SPAG9: variants seen among roughly 807,000 people sequenced by gnomAD.
SPAG9 encodes the protein sperm associated antigen 9, also known as C-Jun-amino-terminal kinase-interacting protein 4.
A neutral mutation model predicts 166.5 loss-of-function variants in SPAG9; 35 were observed. The observed-to-expected ratio is 0.21, with a 90% confidence interval of 0.16 to 0.28. The LOEUF is 0.28. SPAG9 is among the 10% of genes least tolerant of loss of function. The probability of loss-of-function intolerance (pLI) is 1.00; values close to 1 mark genes in which losing one functional copy is unlikely to be tolerated. For missense variants in SPAG9, 1,235 were observed against 1,603.3 expected (o/e 0.77, Z 3.92); for synonymous variants, 534 against 565.5 (o/e 0.94, Z 0.79).
At chr17:51,039,905 AGG>A (rs2046764341) in intron 5 of SPAG9, among the ~76,000 whole-genome samples, 1 of 152,090 alleles carries the variant, frequency 6.6e-6, no homozygotes, top group Non-Finnish European at 1.5e-5. Context: ...ACCTGCAGGA[AGG>A]CTAAAAGACC....
chr17:51,062,097 T>C (rs1052441369), intron 2 of SPAG9, among the ~76,000 whole-genome samples: 5 of 152,150 alleles, frequency 3.3e-5, no homozygotes, highest in Non-Finnish European at 5.9e-5. Flanking sequence ...AGATGACTTG[T>C]CCCTTTTAAT....
At chr17:51,093,455 C>T (rs1386919685) in intron 1 of SPAG9, among the ~76,000 whole-genome samples, 1 of 151,970 alleles carries the variant, frequency 6.6e-6, no homozygotes, top group African/African-American at 2.4e-5. Flanking sequence ...GTAATCCCTG[C>T]ACTTTGGGAG....
chr17:50,992,359 A>C (rs966799383), intron 19 of SPAG9, among the ~76,000 whole-genome samples: 3 of 152,158 alleles, frequency 2.0e-5, no homozygotes, highest in Admixed American at 2.0e-4. Context: ...ATGTGTCAGA[A>C]CTTCTACCTA....
intron 26 of SPAG9, 106 bp downstream of exon 26, chr17:50,979,640 A>G (rs1455506196): frequency 7.3e-6 from 8 of 1,098,952 alleles, no homozygotes; most frequent in Admixed American, 1.9e-5. Context: ...TAGCCACTGC[A>G]CTCCATCCTG....
At chr17:51,031,562 TACA>T (rs1407667750) in intron 6 of SPAG9, 116 bp downstream of exon 6, 3 of 767,042 alleles carry the variant, frequency 3.9e-6, no homozygotes, top group Admixed American at 4.5e-5. Flanking sequence ...TTCAGTGAAT[TACA>T]ACAATAGTCT....
chr17:51,086,212 T>G (rs1327496619), intron 1 of SPAG9, among the ~76,000 whole-genome samples: 1 of 151,938 alleles, frequency 6.6e-6, no homozygotes, highest in Non-Finnish European at 1.5e-5. Context: ...ACTCCTGACC[T>G]CAGGTGATCT....
At chr17:50,984,897 C>T (rs1489158602) in intron 24 of SPAG9, 26 bp downstream of exon 24, 2 of 1,586,538 alleles carry the variant, frequency 1.3e-6, no homozygotes, top group Non-Finnish European at 8.7e-7. Flanking sequence ...AATTAGTGTC[C>T]ATGTTATACA....
chr17:51,060,178 A>G (rs1019265082), intron 2 of SPAG9, among the ~76,000 whole-genome samples: 1 of 151,988 alleles, frequency 6.6e-6, no homozygotes, highest in African/African-American at 2.4e-5. Context: ...CTACCTCCCA[A>G]TATGACTGCA....
At chr17:51,055,597 A>G (rs1326468033) in intron 3 of SPAG9, among the ~76,000 whole-genome samples, 1 of 152,166 alleles carries the variant, frequency 6.6e-6, no homozygotes, top group African/African-American at 2.4e-5. Flanking sequence ...AGGGAGAAAA[A>G]AAAACAAACA....
At chr17:51,019,992 T>G (rs1041301932) in intron 8 of SPAG9, among the ~76,000 whole-genome samples, 167 bp downstream of exon 8, 2 of 152,206 alleles carry the variant, frequency 1.3e-5, no homozygotes, top group Non-Finnish European at 2.9e-5. Flanking sequence ...TAACAAAAAA[T>G]TTAAACCATG....
At chr17:51,034,132 T>C (rs999305730) in intron 5 of SPAG9, among the ~76,000 whole-genome samples, 3 of 152,206 alleles carry the variant, frequency 2.0e-5, no homozygotes, top group Admixed American at 6.5e-5. Flanking sequence ...TAAGCAAAAA[T>C]TGAGTTTATA....
intron 27 of SPAG9, chr17:50,976,666 A>G (rs145570651): frequency 6.5e-6 from 1 of 153,368 alleles, no homozygotes; most frequent in Non-Finnish European, 1.5e-5. Context: ...AAAATAGAAG[A>G]TAGATGGAAA....
chr17:51,096,863 A>G (rs2048663520), intron 1 of SPAG9, among the ~76,000 whole-genome samples: 1 of 152,276 alleles, frequency 6.6e-6, no homozygotes, highest in South Asian at 2.1e-4. Flanking sequence ...TTCCTAAAAT[A>G]TAATTCCTAA....
At chr17:51,053,879 A>AG (rs1393188105) in intron 3 of SPAG9, among the ~76,000 whole-genome samples, 6 of 106,506 alleles carry the variant, frequency 5.6e-5, no homozygotes, top group African/African-American at 9.8e-5. Context: ...ATATATATAT[A>AG]TATATATATA....
chr17:51,030,382 G>GT (rs2046338452), intron 6 of SPAG9, among the ~76,000 whole-genome samples: 1 of 152,132 alleles, frequency 6.6e-6, no homozygotes, highest in African/African-American at 2.4e-5. Flanking sequence ...AGATTTGAGG[G>GT]TTTTAAGCCA....
At position 51,022,289 on chromosome 17, in the gene SPAG9, A is replaced by C. The variant is rs547090758; in HGVS notation, c.784-924T>G. ...GAGGAGTAGACAGAGTCTAAGTCCA[A>C]CTCCAGACTTAATGCACCAAACTTT... On this transcript the variant is annotated intron_variant, in intron 6 of 29. Coordinates refer to ENST00000262013, the MANE Select transcript of SPAG9 (RefSeq NM_001130528.3). Among the ~76,000 whole-genome samples, 5 of 152,090 alleles carry C rather than the reference A, an allele frequency of 3.3e-5. No homozygotes were observed. The South Asian group carries it at 1.0e-3, about 32-fold the overall frequency.
At position 51,120,714 on chromosome 17, in the gene SPAG9, C is replaced by A. The variant is rs932974818; in HGVS notation, c.-58G>T. The A allele has an allele frequency of 3.4e-4, 501 of 1,455,560 alleles. No individual in the cohort carries two copies. Among genetic ancestry groups the A allele is most frequent in the Non-Finnish European group, 4.1e-4 (448 of 1,083,790 alleles). The allele number at this position is 1,455,560 out of a possible 1,614,324, so 90.2% of individuals were successfully genotyped here. A position where few individuals can be genotyped will look rare whatever the true frequency, so the allele number is the denominator to read the frequency against. ...GTCGCCGGCAGAGGGGCGGCACCTG[C>A]CCGCACGGGACGGACCCGACTCGGG... On this transcript the variant is annotated 5_prime_UTR_variant, in exon 1 of 30. Coordinates refer to ENST00000262013, the MANE Select transcript of SPAG9 (RefSeq NM_001130528.3). This position sits in a 1 kb window ranked among gnomAD's most constrained non-coding sequence, Gnocchi z 4.7.
intron 8 of SPAG9, chr17:51,016,174 T>C (rs917932497): frequency 1.3e-5 from 2 of 152,146 alleles, no homozygotes; most frequent in Non-Finnish European, 2.9e-5. Flanking sequence ...GTATGTCTTC[T>C]TAGGAAATTT....
rs542436848 is a variant in SPAG9, at chr17:50,983,276, C to T, written c.3089-604G>A. ...AAGTCTGTCTTTTTGTATGTAATCA[C>T]CCACTCGTCTGCAGTCTTGCAGAGT... On this transcript the variant is annotated intron_variant, in intron 24 of 29. Coordinates refer to ENST00000262013, the MANE Select transcript of SPAG9 (RefSeq NM_001130528.3). 2.8e-4 allele frequency among the ~76,000 whole-genome samples: 42 copies of T among 152,348 alleles called. 1 individual carries two copies. The highest frequency in any genetic ancestry group is 3.4e-3 in the Middle Eastern group (1 of 294).
Sources: allele counts gnomAD v4.1 joint callset (sites outside exome capture counted in the v4.1 genomes callset), GRCh38; gene constraint gnomAD v4.1.1; non-coding constraint Gnocchi (gnomAD v3.1); transcripts MANE v1.5; gene names NCBI Gene and HGNC (gene_info 2026-07-23, HGNC 2026-07-21).